Variants in SLC4A10 observed in about 807,000 individuals in gnomAD.
The protein encoded by SLC4A10 is sodium-driven chloride bicarbonate exchanger.
Under a neutral mutation model 137.7 loss-of-function variants are expected in SLC4A10, and 42 were observed. The ratio of observed to expected loss-of-function variants is 0.30; its 90% CI spans 0.24 to 0.39. The LOEUF (loss-of-function observed/expected upper bound fraction) is 0.39. Among genes scored for constraint, SLC4A10 ranks in the 10% least tolerant of loss-of-function variants. The pLI, the probability that SLC4A10 is intolerant of heterozygous loss-of-function variation, is 1.00. For missense variants in SLC4A10, 925 were observed against 1,355.0 expected, an observed-to-expected ratio of 0.68 and a Z score of 4.98; for synonymous variants, 474 against 464.1, an observed-to-expected ratio of 1.02 and a Z score of -0.27.
chr2:161,653,392 A>G (rs948271473), intron 1 of SLC4A10, among the ~76,000 whole-genome samples: 1 of 152,050 alleles, frequency 6.6e-6, no homozygotes, highest in Non-Finnish European at 1.5e-5. Flanking sequence ...GTCAAATGGT[A>G]TTTCTAGTTC....
chr2:161,965,600 A>C lies in SLC4A10; in HGVS notation c.3159+427A>C, dbSNP rs959931391. On this transcript the variant is annotated intron_variant, in intron 23 of 26. Coordinates refer to ENST00000446997, the MANE Select transcript of SLC4A10 (RefSeq NM_001178015.2). ...TTTCCTAGGGAACAGAGTTTTAATC[A>C]AAATATTCTAATGAATAATTATTTA... 2.0e-5 allele frequency among the ~76,000 whole-genome samples: 3 copies of C among 152,292 alleles called. No individual in the cohort carries two copies. The East Asian group carries it at 5.8e-4, about 29-fold the overall frequency.
intron 2 of SLC4A10, 53 bp from the exon 3 acceptor site, chr2:161,804,396 C>T: frequency 6.4e-7 from 1 of 1,571,636 alleles, no homozygotes; most frequent in Non-Finnish European, 8.7e-7. Context: ...ATCATCATAT[C>T]TGTGCCCTGG....
rs2061179032 is a variant in SLC4A10, at chr2:161,872,319, G to C, written c.793G>C (p.Ala265Pro). 1 of 1,613,556 alleles carries C rather than the reference G, an allele frequency of 6.2e-7. No individual in the cohort carries two copies. Among genetic ancestry groups the C allele is most frequent in the Admixed American group, 1.7e-5 (1 of 60,012 alleles). ...AGGTCAGGTTGTTTCTCCTCAGTCT[G>C]CTCCAGCCTGTGTTGAAAATAAAAA... ...NAGQVVSPQS[A>P]PACVENKNDV... Residue 265 changes from alanine to proline, a missense_variant, in exon 7 of 27, where the codon GCT becomes CCT. By Grantham distance (27) the Ala-to-Pro change is conservative. This residue lies in a region of SLC4A10 where 277 missense variants were observed against 306.1 expected (regional missense o/e 0.90). Coordinates refer to ENST00000446997, the MANE Select transcript of SLC4A10 (RefSeq NM_001178015.2).
chr2:161,730,462 A>G (rs1193709567), intron 1 of SLC4A10, among the ~76,000 whole-genome samples: 3 of 152,172 alleles, frequency 2.0e-5, no homozygotes, highest in Non-Finnish European at 2.9e-5. Context: ...CCTATTATCT[A>G]TCTATTTATC....
chr2:161,982,712 G>A (rs1487138312), intron 26 of SLC4A10, among the ~76,000 whole-genome samples: 1 of 152,168 alleles, frequency 6.6e-6, no homozygotes, highest in Non-Finnish European at 1.5e-5. Context: ...CCAAGGTACA[G>A]TCTTCATCAA....
At chr2:161,778,222 T>C (rs370102544) in intron 2 of SLC4A10, among the ~76,000 whole-genome samples, 15 of 152,028 alleles carry the variant, frequency 9.9e-5, no homozygotes, top group South Asian at 8.3e-4. Context: ...TGCTAGTGTT[T>C]TCCTCTACAC....
At chr2:161,851,315 A>T (rs1321934814) in intron 4 of SLC4A10, among the ~76,000 whole-genome samples, 1 of 152,124 alleles carries the variant, frequency 6.6e-6, no homozygotes, top group African/African-American at 2.4e-5. Flanking sequence ...TAGGGTGTTG[A>T]AGTCTTCCAT....
At chr2:161,794,400 C>A (rs760497603) in intron 2 of SLC4A10, among the ~76,000 whole-genome samples, 1 of 151,938 alleles carries the variant, frequency 6.6e-6, no homozygotes, top group Non-Finnish European at 1.5e-5. Context: ...CACGCACATA[C>A]AAATAATAAT....
At chr2:161,887,151 G>T (rs55746961) in intron 10 of SLC4A10, among the ~76,000 whole-genome samples, 13 of 152,126 alleles carry the variant, frequency 8.5e-5, no homozygotes, top group African/African-American at 3.1e-4. Context: ...ATACTATTCC[G>T]TGGTGTATAT....
At chr2:161,857,039 A>T (rs2060145587) in intron 5 of SLC4A10, among the ~76,000 whole-genome samples, 1 of 152,172 alleles carries the variant, frequency 6.6e-6, no homozygotes, top group Non-Finnish European at 1.5e-5. Flanking sequence ...TAAATTATGT[A>T]ATTTCTAATG....
At chr2:161,749,164 A>T (rs926633141) in intron 1 of SLC4A10, among the ~76,000 whole-genome samples, 3 of 151,998 alleles carry the variant, frequency 2.0e-5, no homozygotes, top group Admixed American at 6.6e-5. Context: ...TAGTCATTCT[A>T]ATAGTTTCAT....
At chr2:161,905,041 T>A in intron 14 of SLC4A10, 132 bp downstream of exon 14, 2 of 898,938 alleles carry the variant, frequency 2.2e-6, no homozygotes. Context: ...TTTATCATTT[T>A]TGCTTCATCA....
intron 1 of SLC4A10, among the ~76,000 whole-genome samples, chr2:161,754,782 C>A (rs2125324474): frequency 6.6e-6 from 1 of 152,186 alleles, no homozygotes; most frequent in East Asian, 1.9e-4. Flanking sequence ...CTTATATATA[C>A]TTTCATGCAT....
rs564068932 is a variant in SLC4A10 at position 161,808,221 on chromosome 2, C to T, written c.277+3626C>T. ...TCTCTCCCACTTATTTAAATTCTTT[C>T]TTCAAATATTCATTAAGCATATTCC... On this transcript the variant is annotated intron_variant, in intron 3 of 26. Transcript: ENST00000446997. 1.6e-4 allele frequency among the ~76,000 whole-genome samples: 24 copies of T among 152,104 alleles called. No homozygotes were observed. In the South Asian group the frequency reaches 5.0e-3, roughly 32 times the overall value.
intron 1 of SLC4A10, among the ~76,000 whole-genome samples, chr2:161,697,916 A>G (rs2042715327): frequency 6.6e-6 from 1 of 152,212 alleles, no homozygotes; most frequent in Admixed American, 6.5e-5. Flanking sequence ...CGTTTTCACA[A>G]TATTGATTTT....
Position 161,793,184 on chromosome 2 carries a change from G to A in SLC4A10, c.131-11265G>A, listed in dbSNP as rs2054388070. Among the ~76,000 whole-genome samples, 4 of 152,104 alleles carry A rather than the reference G, an allele frequency of 2.6e-5. No homozygotes were observed. In the South Asian group the frequency reaches 8.3e-4, roughly 32 times the overall value. The stretch of plus-strand genomic sequence containing the variant: ...TTAAAATTGACAGATAAAATTGTAT[G>A]TATTTATTATGTACAACATGATGCT... On this transcript the variant is annotated intron_variant, in intron 2 of 26. Coordinates refer to ENST00000446997, the MANE Select transcript of SLC4A10 (RefSeq NM_001178015.2).
intron 16 of SLC4A10, among the ~76,000 whole-genome samples, chr2:161,945,998 T>C (rs1287787436): frequency 6.6e-6 from 1 of 152,044 alleles, no homozygotes; most frequent in Non-Finnish European, 1.5e-5. Flanking sequence ...TATTGCTTAA[T>C]AATTGCTCTG....
intron 15 of SLC4A10, among the ~76,000 whole-genome samples, chr2:161,922,946 C>A (rs965949623): frequency 6.6e-6 from 1 of 152,148 alleles, no homozygotes; most frequent in Non-Finnish European, 1.5e-5. Context: ...CTGTTTAGTG[C>A]ACACAGGAAG....
chr2:161,747,395 T>C (rs954920524), intron 1 of SLC4A10, among the ~76,000 whole-genome samples: 3 of 152,182 alleles, frequency 2.0e-5, no homozygotes, highest in Admixed American at 1.3e-4. Flanking sequence ...AAGCATATAG[T>C]TTCTCTGCAT....
Sources: allele counts gnomAD v4.1 joint callset (sites outside exome capture counted in the v4.1 genomes callset), GRCh38; gene constraint gnomAD v4.1.1; regional missense constraint gnomAD v4.1.1; transcripts MANE v1.5; gene names NCBI Gene and HGNC (gene_info 2026-07-23, HGNC 2026-07-21).